Variants in CNTN3 observed in about 807,000 individuals in gnomAD.
CNTN3 encodes the protein contactin-3.
Under a neutral mutation model 119.1 loss-of-function variants are expected in CNTN3, and 60 were observed. The observed-to-expected ratio is 0.50, with a 90% CI of 0.41 to 0.62. CNTN3 has a LOEUF of 0.62. Among genes scored for constraint, CNTN3 ranks in the 20% least tolerant of loss-of-function variants. The pLI is 0.00. For missense variants in CNTN3, 1,101 were observed against 1,242.4 expected, an observed-to-expected ratio of 0.89 and a Z score of 1.71; for synonymous variants, 450 against 438.7, an observed-to-expected ratio of 1.03 and a Z score of -0.32.
intron 4 of CNTN3, among the ~76,000 whole-genome samples, chr3:74,455,018 G>GAGAA (rs1559611661): frequency 3.9e-5 from 6 of 151,968 alleles, no homozygotes; most frequent in Non-Finnish European, 8.8e-5. Context: ...TATCTTTGTC[G>GAGAA]TGTTCTCTTT....
intron 1 of CNTN3, among the ~76,000 whole-genome samples, chr3:74,541,661 T>C (rs1168167102): frequency 6.6e-6 from 1 of 152,110 alleles, no homozygotes; most frequent in African/African-American, 2.4e-5. Context: ...GAACATAAAT[T>C]AGGGTTCAAA....
chr3:74,292,241 GTC>G (rs1200920936), intron 19 of CNTN3, among the ~76,000 whole-genome samples: 5 of 152,210 alleles, frequency 3.3e-5, no homozygotes, highest in Non-Finnish European at 7.3e-5. Flanking sequence ...TCTGAGGGAT[GTC>G]TCACACCTAC....
chr3:74,583,351 T>C (rs539360442), intron 1 of CNTN3, among the ~76,000 whole-genome samples: 24 of 152,058 alleles, frequency 1.6e-4, no homozygotes, highest in African/African-American at 5.8e-4. Flanking sequence ...ATTTATGATC[T>C]ATCCCTAAAA....
At chr3:74,561,368 G>A (rs1704151318) in intron 1 of CNTN3, among the ~76,000 whole-genome samples, 1 of 151,938 alleles carries the variant, frequency 6.6e-6, no homozygotes, top group Admixed American at 6.6e-5. Context: ...ATAAAATTCT[G>A]CCTGCAAGAG....
chr3:74,285,803 A>G (rs1201131915), intron 19 of CNTN3, among the ~76,000 whole-genome samples: 2 of 79,586 alleles, frequency 2.5e-5, no homozygotes, highest in Admixed American at 1.1e-4. Context: ...ATATATATAT[A>G]TATATATATA....
chr3:74,594,273 C>CTTTTTTTTTTT (rs59436860), intron 1 of CNTN3, among the ~76,000 whole-genome samples: 49 of 111,910 alleles, frequency 4.4e-4, no homozygotes, highest in East Asian at 7.9e-4. Context: ...TTCTTTTTTT[C>CTTTTTTTTTTT]TTTTTTTTTT....
In CNTN3 at chr3:74,312,805, A is replaced by T. The variant is rs78659879; in HGVS notation, c.1669-9998T>A. On this transcript the variant is annotated intron_variant, in intron 13 of 22. Coordinates refer to ENST00000263665, the MANE Select transcript of CNTN3 (RefSeq NM_020872.3). ...ATTACAAGGCATACTAAAAGGCAAAAATACATAGTTTGAAGAGACTGAACA... is the reference window on the plus strand; with the variant it reads ...ATTACAAGGCATACTAAAAGGCAAATATACATAGTTTGAAGAGACTGAACA... Among the ~76,000 whole-genome samples, 1,260 of 152,302 alleles carry T rather than the reference A, an allele frequency of 8.3e-3. 16 individuals are homozygous for T. Among genetic ancestry groups the T allele is most frequent in the African/African-American group, 0.027 (1,131 of 41,562 alleles).
At chr3:74,370,959 A>G (rs1704321487) in intron 6 of CNTN3, among the ~76,000 whole-genome samples, 1 of 151,806 alleles carries the variant, frequency 6.6e-6, no homozygotes, top group Non-Finnish European at 1.5e-5. Flanking sequence ...AAAAGGGGCC[A>G]CTCATTTTTA....
At chr3:74,320,724 C>T (rs761503473) in intron 13 of CNTN3, among the ~76,000 whole-genome samples, 1 of 152,118 alleles carries the variant, frequency 6.6e-6, no homozygotes, top group Non-Finnish European at 1.5e-5. Context: ...GAAGACGTCC[C>T]TGAGCCTCAT....
intron 1 of CNTN3, among the ~76,000 whole-genome samples, chr3:74,611,496 C>CTA (rs1311694256): frequency 6.6e-6 from 1 of 152,066 alleles, no homozygotes; most frequent in Non-Finnish European, 1.5e-5. Context: ...GCAGGGGAGA[C>CTA]TATAAGATAA....
intron 1 of CNTN3, among the ~76,000 whole-genome samples, chr3:74,577,565 T>G (rs999315301): frequency 6.6e-6 from 1 of 152,172 alleles, no homozygotes; most frequent in Non-Finnish European, 1.5e-5. Context: ...AAATTATTCA[T>G]GATCACTCCT....
In CNTN3 at chr3:74,344,668, C is replaced by G. The variant is rs1447824454; in HGVS notation, c.1365-8010G>C. On this transcript the variant is annotated intron_variant, in intron 11 of 22. Transcript: ENST00000263665. The stretch of plus-strand genomic sequence containing the variant: ...TATAGACGAGGTTTCACCGTGTTAG[C>G]TAGGATGGTCGCAATTTCCTGACCT... Among the ~76,000 whole-genome samples the G allele has an allele frequency of 4.0e-5, 6 of 151,882 alleles. No individual in the cohort carries two copies. In the South Asian group the frequency reaches 1.0e-3, roughly 26 times the overall value.
chr3:74,519,867 A>G (rs1703513114), intron 2 of CNTN3, among the ~76,000 whole-genome samples: 3 of 151,562 alleles, frequency 2.0e-5, no homozygotes, highest in Non-Finnish European at 4.4e-5. Flanking sequence ...ACTACAAAAA[A>G]CCTCTTTCTT....
intron 1 of CNTN3, among the ~76,000 whole-genome samples, chr3:74,581,116 T>C (rs763400819): frequency 2.0e-5 from 3 of 152,188 alleles, no homozygotes; most frequent in Non-Finnish European, 2.9e-5. Context: ...CTCACCATTA[T>C]ACTAAAGGTC....
chr3:74,505,591 C>G (rs1703244382), intron 2 of CNTN3, among the ~76,000 whole-genome samples: 2 of 151,866 alleles, frequency 1.3e-5, no homozygotes, highest in South Asian at 4.2e-4. Context: ...GTTCCTGAAC[C>G]AACATGAACC....
intron 19 of CNTN3, 79 bp from the exon 20 acceptor site, chr3:74,285,570 GC>G (rs1343557357): frequency 2.0e-5 from 28 of 1,369,774 alleles, no homozygotes; most frequent in Non-Finnish European, 2.8e-5. Flanking sequence ...ATTAAAATGG[GC>G]ACTGACTTAT....
At chr3:74,555,817 G>A (rs1704060379) in intron 1 of CNTN3, among the ~76,000 whole-genome samples, 1 of 151,816 alleles carries the variant, frequency 6.6e-6, no homozygotes, top group Admixed American at 6.6e-5. Flanking sequence ...TTCTTTATTA[G>A]TCTTGCTAGT....
At chr3:74,274,722 C>A (rs1435585821) in intron 20 of CNTN3, among the ~76,000 whole-genome samples, 1 of 152,114 alleles carries the variant, frequency 6.6e-6, no homozygotes, top group Admixed American at 6.6e-5. Context: ...AAAAACAACT[C>A]TGGTAATATG....
chr3:74,421,050 A>G (rs1701608021), intron 5 of CNTN3, among the ~76,000 whole-genome samples: 1 of 152,214 alleles, frequency 6.6e-6, no homozygotes, highest in African/African-American at 2.4e-5. Context: ...CTTCCTCCCC[A>G]TACTTTTACC....
Sources: gnomAD v4.1 joint callset for allele counts (sites outside exome capture counted in the v4.1 genomes callset) on GRCh38, gnomAD v4.1.1 for gene constraint, MANE v1.5 for transcripts, NCBI Gene and HGNC (gene_info 2026-07-23, HGNC 2026-07-21) for gene names.